FMN1: variants seen among roughly 807,000 people sequenced by gnomAD.
FMN1 encodes formin 1.
In FMN1, 110 loss-of-function variants were observed where a neutral mutation model predicts 132.4. The observed-to-expected ratio is 0.83, with a 90% CI of 0.71 to 0.97. The LOEUF (loss-of-function observed/expected upper bound fraction) is 0.97. Among genes scored for constraint, FMN1 ranks in the 50% least tolerant of loss-of-function variants. The probability of loss-of-function intolerance (pLI) is 0.00; values close to 1 mark genes in which losing one functional copy is unlikely to be tolerated. For synonymous variants in FMN1, 722 were observed against 651.7 expected, an observed-to-expected ratio of 1.11 and a Z score of -1.64; for missense variants, 1,792 against 1,705.3, an observed-to-expected ratio of 1.05 and a Z score of -0.90.
chr15:33,009,041 T>C (rs944961020), intron 6 of FMN1, among the ~76,000 whole-genome samples: 2 of 152,222 alleles, frequency 1.3e-5, no homozygotes, highest in African/African-American at 2.4e-5. Flanking sequence ...AAGGAAATCA[T>C]TGGCAAAGCC....
intron 6 of FMN1, among the ~76,000 whole-genome samples, chr15:33,054,773 T>C (rs954445983): frequency 3.3e-5 from 5 of 152,114 alleles, no homozygotes; most frequent in African/African-American, 1.2e-4. Context: ...CCAACAGTTT[T>C]TGGTGAAAGC....
intron 5 of FMN1, chr15:33,067,359 G>C: frequency 6.2e-7 from 1 of 1,613,918 alleles, no homozygotes; most frequent in South Asian, 1.1e-5. Flanking sequence ...TCCTGAGATG[G>C]CTCAGATAAA....
chr15:33,042,692 A>T (rs1031544411), intron 6 of FMN1, among the ~76,000 whole-genome samples: 8 of 152,212 alleles, frequency 5.3e-5, no homozygotes, highest in Non-Finnish European at 8.8e-5. Context: ...ATTTGGGAAA[A>T]ACAAAACTGA....
intron 2 of FMN1, among the ~76,000 whole-genome samples, chr15:33,182,698 T>C (rs1316363177): frequency 2.0e-5 from 3 of 152,212 alleles, no homozygotes; most frequent in Non-Finnish European, 4.4e-5. Flanking sequence ...CTTCTCTTTC[T>C]GCCCAGGCGC....
At chr15:32,962,472 A>G (rs989000807) in intron 9 of FMN1, among the ~76,000 whole-genome samples, 1 of 151,908 alleles carries the variant, frequency 6.6e-6, no homozygotes, top group African/African-American at 2.4e-5. Context: ...CAATGGCAAC[A>G]AAAGACAAAA....
intron 9 of FMN1, among the ~76,000 whole-genome samples, chr15:32,939,126 C>G (rs2061344941): frequency 6.6e-6 from 1 of 152,202 alleles, no homozygotes; most frequent in Non-Finnish European, 1.5e-5. Context: ...ATACTGTAAA[C>G]CTTTATTCCT....
intron 17 of FMN1, among the ~76,000 whole-genome samples, chr15:32,843,171 T>G (rs952004713): frequency 1.3e-5 from 2 of 150,310 alleles, no homozygotes; most frequent in Non-Finnish European, 1.5e-5. Context: ...GGGGAGAGAT[T>G]TGAACTCAGA....
chr15:32,832,299 G>T (rs569176757), intron 17 of FMN1, among the ~76,000 whole-genome samples: 1 of 152,318 alleles, frequency 6.6e-6, no homozygotes, highest in South Asian at 2.1e-4. Context: ...TCTAGGGGTT[G>T]TCTGTTTGTG....
At chr15:32,868,865 G>A (rs1321709727) in intron 16 of FMN1, among the ~76,000 whole-genome samples, 1 of 152,030 alleles carries the variant, frequency 6.6e-6, no homozygotes, top group African/African-American at 2.4e-5. Flanking sequence ...AGACCTACTG[G>A]TCATTTCTCC....
At chr15:33,123,292 G>T (rs1962739637) in intron 4 of FMN1, among the ~76,000 whole-genome samples, 2 of 151,950 alleles carry the variant, frequency 1.3e-5, no homozygotes, top group Admixed American at 6.6e-5. Flanking sequence ...CTGGGGTCAT[G>T]TCACTCCTTT....
chr15:33,085,177 T>A (rs2038640153), intron 5 of FMN1, among the ~76,000 whole-genome samples: 1 of 152,186 alleles, frequency 6.6e-6, no homozygotes, highest in African/African-American at 2.4e-5. Flanking sequence ...AGTTCTTTAG[T>A]GGTGATTTAT....
chr15:33,024,300 G>T (rs759337891), intron 6 of FMN1, among the ~76,000 whole-genome samples: 31 of 135,192 alleles, frequency 2.3e-4, no homozygotes, highest in Admixed American at 2.2e-3. Flanking sequence ...AGGCTGGAGT[G>T]CAGTGACGTG....
chr15:32,880,331 C>T (rs1032302708), intron 16 of FMN1, among the ~76,000 whole-genome samples: 38 of 152,206 alleles, frequency 2.5e-4, no homozygotes, highest in Middle Eastern at 3.4e-3. Flanking sequence ...ATGAGCTTAA[C>T]GTTAAATGAA....
chr15:33,072,319 T>G (rs1391399583), intron 5 of FMN1, among the ~76,000 whole-genome samples: 2 of 152,184 alleles, frequency 1.3e-5, no homozygotes, highest in Non-Finnish European at 2.9e-5. Context: ...CAACTTTTCC[T>G]GTAAGTGGAT....
chr15:33,060,747 TGA>T (rs1342417645), intron 6 of FMN1, among the ~76,000 whole-genome samples: 1 of 152,214 alleles, frequency 6.6e-6, no homozygotes, highest in African/African-American at 2.4e-5. Flanking sequence ...AGATGCACAT[TGA>T]GAGAGAAACC....
intron 18 of FMN1, among the ~76,000 whole-genome samples, chr15:32,799,409 T>G (rs2140982447): frequency 6.6e-6 from 1 of 152,356 alleles, no homozygotes; most frequent in Non-Finnish European, 1.5e-5. Context: ...AAATCCATTC[T>G]ATCCTTTTTC....
rs1566888327 is a variant in FMN1 at position 33,069,991 on chromosome 15, C to CTTTTTT, written c.2044-4918_2044-4917insAAAAAA. 4.9e-4 allele frequency among the ~76,000 whole-genome samples: 29 copies of CTTTTTT among 59,598 alleles called. 1 individual carries two copies. Among genetic ancestry groups the CTTTTTT allele is most frequent in the East Asian group, 1.5e-3 (1 of 672 alleles). 39.1% of individuals were successfully genotyped at this position (59,598 alleles called of 152,430 possible). On this transcript the variant is annotated intron_variant, in intron 5 of 20. Transcript: ENST00000616417. Reference sequence around the variant, plus strand: ...ACAACAGATCATAAGATCAGTCTTTCTCTTTTTTTTTTTTTTTTTTTTTTT... The same window carrying CTTTTTT: ...ACAACAGATCATAAGATCAGTCTTTCTTTTTTTCTTTTTTTTTTTTTTTTTTTTTTT...
At chr15:33,163,371 C>T (rs779835444) in intron 3 of FMN1, among the ~76,000 whole-genome samples, 5 of 151,638 alleles carry the variant, frequency 3.3e-5, no homozygotes, top group Admixed American at 6.6e-5. Context: ...CTCGGCTCAC[C>T]GCAACCTCTG....
chr15:33,075,639 A>G (rs1485551970), intron 5 of FMN1, among the ~76,000 whole-genome samples: 1 of 152,164 alleles, frequency 6.6e-6, no homozygotes, highest in Non-Finnish European at 1.5e-5. Context: ...CCAAGCTCCA[A>G]CATGATTTTT....
Sources: gnomAD v4.1 joint callset for allele counts (sites outside exome capture counted in the v4.1 genomes callset) on GRCh38, gnomAD v4.1.1 for gene constraint, MANE v1.5 for transcripts, NCBI Gene and HGNC (gene_info 2026-07-23, HGNC 2026-07-21) for gene names.